The following SH3RF3 variants were observed in gnomAD, a reference collection of about 807,000 sequenced individuals.
SH3RF3 encodes the protein E3 ubiquitin-protein ligase SH3RF3.
A neutral mutation model predicts 66.3 loss-of-function variants in SH3RF3; 29 were observed. The ratio of observed to expected loss-of-function variants is 0.44; its 90% CI spans 0.33 to 0.60. SH3RF3 has a LOEUF of 0.60. SH3RF3 is among the 20% of genes least tolerant of loss of function. SH3RF3 has a pLI of 0.04. For synonymous variants in SH3RF3, 583 were observed against 532.0 expected (o/e 1.10, Z -1.32); for missense variants, 1,194 against 1,190.9 (o/e 1.00, Z -0.04).
intron 1 of SH3RF3, among the ~76,000 whole-genome samples, chr2:109,207,517 A>G (rs1015064777): frequency 2.0e-5 from 3 of 152,214 alleles, no homozygotes; most frequent in Admixed American, 2.0e-4. Context: ...GATGCATGTC[A>G]TGGAATTTCA....
At chr2:109,264,983 A>G (rs555782741) in intron 1 of SH3RF3, among the ~76,000 whole-genome samples, 69 of 152,306 alleles carry the variant, frequency 4.5e-4, no homozygotes, top group South Asian at 8.3e-4. Context: ...TGCATCAGAG[A>G]TAGCCGCATG....
At chr2:109,234,938 A>G (rs1004706888) in intron 1 of SH3RF3, among the ~76,000 whole-genome samples, 3 of 152,210 alleles carry the variant, frequency 2.0e-5, no homozygotes, top group African/African-American at 7.2e-5. Context: ...GAGTTGTTGT[A>G]TGAGTGTCCT....
intron 8 of SH3RF3, among the ~76,000 whole-genome samples, chr2:109,455,743 G>A (rs1414912596): frequency 2.0e-5 from 3 of 152,184 alleles, no homozygotes; most frequent in Non-Finnish European, 4.4e-5. Flanking sequence ...TCCCAGTTCT[G>A]TCGACAGGCA....
chr2:109,397,503 G>A (rs1481058727), intron 3 of SH3RF3, among the ~76,000 whole-genome samples: 1 of 152,166 alleles, frequency 6.6e-6, no homozygotes, highest in Non-Finnish European at 1.5e-5. Context: ...CCATATAGGT[G>A]TGCACTTAGG....
At position 109,283,371 on chromosome 2, in the gene SH3RF3, A is replaced by G. The variant is rs189660141; in HGVS notation, c.574-64303A>G. Among the ~76,000 whole-genome samples, 980 of 152,204 alleles carry G rather than the reference A, an allele frequency of 6.4e-3. 8 individuals are homozygous for G. The highest frequency in any genetic ancestry group is 0.023 in the African/African-American group (941 of 41,532). On this transcript the variant is annotated intron_variant, in intron 1 of 9. Coordinates refer to ENST00000309415, the MANE Select transcript of SH3RF3 (RefSeq NM_001099289.3). ...CCATTGCCAGCCTCTGCCAGGCCTC[A>G]CCTCACTGCGTTGAAATTGAGTGTT...
chr2:109,248,722 T>C (rs964046666), intron 1 of SH3RF3, among the ~76,000 whole-genome samples: 8 of 152,078 alleles, frequency 5.3e-5, no homozygotes, highest in Non-Finnish European at 1.0e-4. Flanking sequence ...CTTGCCTCCT[T>C]CTTTTCTTTC....
At chr2:109,181,950 G>C (rs1558944135) in intron 1 of SH3RF3, among the ~76,000 whole-genome samples, 1 of 152,178 alleles carries the variant, frequency 6.6e-6, no homozygotes, top group Admixed American at 6.5e-5. Flanking sequence ...GGCCTTGAAT[G>C]AGCAACCAAA....
chr2:109,210,418 T>C (rs1185247365), intron 1 of SH3RF3, among the ~76,000 whole-genome samples: 1 of 152,226 alleles, frequency 6.6e-6, no homozygotes, highest in African/African-American at 2.4e-5. Context: ...TCTGTAGGCA[T>C]TGAGCACAGT....
chr2:109,252,253 A>AG (rs1350759391), intron 1 of SH3RF3, among the ~76,000 whole-genome samples: 6 of 69,122 alleles, frequency 8.7e-5, no homozygotes, highest in Admixed American at 4.8e-4. Context: ...GTCTCAGAGG[A>AG]GAAAAAAAAA....
At chr2:109,500,297 C>T (rs1679356433) in intron 9 of SH3RF3, among the ~76,000 whole-genome samples, 1 of 152,152 alleles carries the variant, frequency 6.6e-6, no homozygotes, top group Non-Finnish European at 1.5e-5. Context: ...GGAGAGAACT[C>T]TTGGTCAGTG....
At chr2:109,482,018 T>C (rs888366818) in intron 8 of SH3RF3, among the ~76,000 whole-genome samples, 14 of 152,230 alleles carry the variant, frequency 9.2e-5, no homozygotes, top group African/African-American at 3.1e-4. Flanking sequence ...AGTTACTGAA[T>C]GGCGTACTGG....
chr2:109,486,872 G>T (rs542702974), intron 8 of SH3RF3, among the ~76,000 whole-genome samples: 3 of 152,142 alleles, frequency 2.0e-5, no homozygotes, highest in Non-Finnish European at 2.9e-5. Flanking sequence ...TCTGTCTCCC[G>T]CCCAGGCCAG....
chr2:109,179,003 A>ATGTGTGTGTGTGTGTGTGTGTGTGTG (rs56236635), intron 1 of SH3RF3, among the ~76,000 whole-genome samples: 2 of 142,178 alleles, frequency 1.4e-5, no homozygotes, highest in East Asian at 2.0e-4. Context: ...AAGTATAATA[A>ATGTGTGTGTGTGTGTGTGTGTGTGTG]TGTGTGTGTG....
At chr2:109,134,079 T>A (rs1204615108) in intron 1 of SH3RF3, among the ~76,000 whole-genome samples, 3 of 152,216 alleles carry the variant, frequency 2.0e-5, no homozygotes, top group Non-Finnish European at 4.4e-5. Flanking sequence ...GATTTTCTGT[T>A]GAACATTTAC....
At chr2:109,153,829 C>A (rs1451060943) in intron 1 of SH3RF3, among the ~76,000 whole-genome samples, 1 of 152,226 alleles carries the variant, frequency 6.6e-6, no homozygotes, top group Non-Finnish European at 1.5e-5. Flanking sequence ...TTCCTGCAGA[C>A]CTGCTTCCTG....
chr2:109,453,483 T>C (rs558548118), intron 8 of SH3RF3, among the ~76,000 whole-genome samples: 6 of 152,334 alleles, frequency 3.9e-5, no homozygotes, highest in Admixed American at 3.9e-4. Context: ...CACCAGGTGA[T>C]ACGAACCCTC....
chr2:109,432,513 C>T lies in SH3RF3; in HGVS notation c.1416C>T (p.Leu472=). The part of the protein sequence containing the change: ...VQLPLNVYLA[L]YAYKPQKSDE... ...GCTTTGCCCGCAGGTACCTGGCGCT[C>T]TACGCCTACAAGCCCCAGAAGAGTG... The change falls in exon 6 of 10, where the codon CTC becomes CTT. Residue 472 remains leucine, a synonymous_variant. Coordinates refer to ENST00000309415, the MANE Select transcript of SH3RF3 (RefSeq NM_001099289.3). 6.8e-6 allele frequency: 11 copies of T among 1,613,460 alleles called. No individual in the cohort carries two copies. The highest frequency in any genetic ancestry group is 9.3e-6 in the Non-Finnish European group (11 of 1,179,764).
At chr2:109,137,720 A>G (rs1160644718) in intron 1 of SH3RF3, among the ~76,000 whole-genome samples, 1 of 152,266 alleles carries the variant, frequency 6.6e-6, no homozygotes, top group Admixed American at 6.5e-5. Context: ...AAATGGTTGC[A>G]GGTTAACTAA....
chr2:109,387,964 C>A (rs1296679350), intron 3 of SH3RF3, among the ~76,000 whole-genome samples: 1 of 152,066 alleles, frequency 6.6e-6, no homozygotes, highest in African/African-American at 2.4e-5. Context: ...TGAGGCTCCC[C>A]ACACCAATTC....
Sources: gnomAD v4.1 joint callset for allele counts (sites outside exome capture counted in the v4.1 genomes callset) on GRCh38, gnomAD v4.1.1 for gene constraint, MANE v1.5 for transcripts, NCBI Gene and HGNC (gene_info 2026-07-23, HGNC 2026-07-21) for gene names.